The following NRG3 variants were observed in gnomAD, a reference collection of about 807,000 sequenced individuals.
NRG3 encodes neuregulin 3, also known as pro-neuregulin-3, membrane-bound isoform.
A neutral mutation model predicts 66.9 loss-of-function variants in NRG3; 31 were observed. The observed-to-expected ratio is 0.46, with a 90% CI of 0.35 to 0.63. The LOEUF (loss-of-function observed/expected upper bound fraction) is 0.63. Ranked by LOEUF, NRG3 falls within the 20% of genes least tolerant of loss-of-function variation. The pLI, the probability that NRG3 is intolerant of heterozygous loss-of-function variation, is 0.00. For synonymous variants in NRG3, 393 were observed against 359.4 expected (o/e 1.09, Z -1.06); for missense variants, 910 against 878.9 (o/e 1.04, Z -0.45).
chr10:82,644,857 T>C (rs908162792), intron 2 of NRG3, among the ~76,000 whole-genome samples: 1 of 152,180 alleles, frequency 6.6e-6, no homozygotes, highest in Non-Finnish European at 1.5e-5. Context: ...ATTTTTCCCC[T>C]ACATGGCTCA....
intron 1 of NRG3, among the ~76,000 whole-genome samples, chr10:82,089,069 G>A (rs1412010963): frequency 2.6e-5 from 4 of 151,994 alleles, no homozygotes; most frequent in African/African-American, 9.7e-5. Flanking sequence ...TCAGGTTTGG[G>A]ATGCTGGATC....
At chr10:82,791,550 G>T (rs1048525753) in intron 3 of NRG3, among the ~76,000 whole-genome samples, 1 of 151,972 alleles carries the variant, frequency 6.6e-6, no homozygotes, top group African/African-American at 2.4e-5. Flanking sequence ...TTCACTTCTT[G>T]GTTTTTCAGG....
At chr10:82,151,249 G>A (rs1377615371) in intron 1 of NRG3, among the ~76,000 whole-genome samples, 1 of 152,236 alleles carries the variant, frequency 6.6e-6, no homozygotes, top group Non-Finnish European at 1.5e-5. Flanking sequence ...ACACAGGAGT[G>A]ACTAGGAGTT....
At chr10:82,360,921 T>G (rs1197988490) in intron 2 of NRG3, among the ~76,000 whole-genome samples, 1 of 152,226 alleles carries the variant, frequency 6.6e-6, no homozygotes, top group Non-Finnish European at 1.5e-5. Context: ...TCTGTAGGTG[T>G]GTGTGTTCCA....
intron 3 of NRG3, among the ~76,000 whole-genome samples, chr10:82,856,485 C>T (rs1223317207): frequency 6.6e-6 from 1 of 152,050 alleles, no homozygotes; most frequent in African/African-American, 2.4e-5. Context: ...TAGCTCACGC[C>T]TGTAATCCCA....
chr10:81,916,762 C>T (rs1845752564), intron 1 of NRG3, among the ~76,000 whole-genome samples: 1 of 152,158 alleles, frequency 6.6e-6, no homozygotes, highest in African/African-American at 2.4e-5. Flanking sequence ...TCTTGGGCAT[C>T]TCCTGAGTTC....
chr10:82,169,032 C>A (rs539476781), intron 1 of NRG3, among the ~76,000 whole-genome samples: 1 of 152,174 alleles, frequency 6.6e-6, no homozygotes, highest in African/African-American at 2.4e-5. Context: ...AGATTTATTG[C>A]AGTTTCATGA....
chr10:82,910,730 C>G (rs1431729535), intron 4 of NRG3, among the ~76,000 whole-genome samples: 3 of 152,192 alleles, frequency 2.0e-5, no homozygotes, highest in East Asian at 3.8e-4. Flanking sequence ...ATTAATTTGG[C>G]CATGTGACCA....
At chr10:82,216,906 A>G (rs911879781) in intron 1 of NRG3, among the ~76,000 whole-genome samples, 1 of 152,130 alleles carries the variant, frequency 6.6e-6, no homozygotes, top group African/African-American at 2.4e-5. Context: ...CTCAAATATC[A>G]GGTTGTCTGA....
At chr10:82,955,381 A>G (rs1451606617) in intron 5 of NRG3, 2 of 152,010 alleles carry the variant, frequency 1.3e-5, no homozygotes, top group Non-Finnish European at 2.9e-5. Context: ...TACATAGTTA[A>G]TAGAACTATT....
At chr10:82,256,516 T>G (rs1400591705) in intron 1 of NRG3, among the ~76,000 whole-genome samples, 2 of 152,184 alleles carry the variant, frequency 1.3e-5, no homozygotes, top group Non-Finnish European at 2.9e-5. Context: ...CTTCCTGTCC[T>G]GAGGCACAGG....
At chr10:82,734,704 A>G (rs2058071509) in intron 2 of NRG3, among the ~76,000 whole-genome samples, 1 of 152,084 alleles carries the variant, frequency 6.6e-6, no homozygotes, top group Non-Finnish European at 1.5e-5. Flanking sequence ...AAACAAAACA[A>G]ATAACATGAT....
At chr10:82,430,171 T>C (rs1173201482) in intron 2 of NRG3, among the ~76,000 whole-genome samples, 1 of 152,212 alleles carries the variant, frequency 6.6e-6, no homozygotes, top group Non-Finnish European at 1.5e-5. Context: ...GTCCATCATC[T>C]AGTCCTTCTC....
intron 1 of NRG3, among the ~76,000 whole-genome samples, chr10:82,317,255 A>G (rs189591043): frequency 7.3e-5 from 11 of 151,346 alleles, no homozygotes; most frequent in Admixed American, 5.9e-4. Flanking sequence ...TCAATGATAC[A>G]ACAGTAATCT....
At chr10:82,100,605 C>G (rs926063230) in intron 1 of NRG3, among the ~76,000 whole-genome samples, 1 of 151,954 alleles carries the variant, frequency 6.6e-6, no homozygotes, top group Non-Finnish European at 1.5e-5. Context: ...TCAAATCTGT[C>G]AGTTTTTTGT....
chr10:82,238,883 T>C (rs1056833049), intron 1 of NRG3, among the ~76,000 whole-genome samples: 2 of 140,360 alleles, frequency 1.4e-5, no homozygotes, highest in Non-Finnish European at 3.1e-5. Flanking sequence ...ATGTCACTTA[T>C]TTTTAGTGCA....
At chr10:82,622,493 T>C (rs2049107937) in intron 2 of NRG3, among the ~76,000 whole-genome samples, 2 of 152,236 alleles carry the variant, frequency 1.3e-5, no homozygotes, top group African/African-American at 4.8e-5. Flanking sequence ...ACAGAAATTA[T>C]ACACGCACAG....
At chr10:82,776,710 C>G (rs1179415024) in intron 3 of NRG3, among the ~76,000 whole-genome samples, 1 of 151,734 alleles carries the variant, frequency 6.6e-6, no homozygotes, top group East Asian at 1.9e-4. Flanking sequence ...CTGCTGTTGA[C>G]TCTTACATGT....
chr10:82,441,240 C>T (rs1322307950), intron 2 of NRG3, among the ~76,000 whole-genome samples: 1 of 152,096 alleles, frequency 6.6e-6, no homozygotes, highest in African/African-American at 2.4e-5. Context: ...AAAAAACAAA[C>T]AAAAAATGTC....
Sources: gnomAD v4.1 joint callset for allele counts (sites outside exome capture counted in the v4.1 genomes callset) on GRCh38, gnomAD v4.1.1 for gene constraint, MANE v1.5 for transcripts, NCBI Gene and HGNC (gene_info 2026-07-23, HGNC 2026-07-21) for gene names.